The following GPM6B variants were observed in gnomAD, a reference collection of about 807,000 sequenced individuals.
GPM6B encodes glycoprotein M6B.
Under a neutral mutation model 27.2 loss-of-function variants are expected in GPM6B, and 4 were observed. That is an observed-to-expected ratio of 0.15 (90% CI 0.07 to 0.34). The LOEUF is 0.34. Among genes scored for constraint, GPM6B ranks in the 10% least tolerant of loss-of-function variants. The pLI is 1.00. For missense variants in GPM6B, 183 were observed against 261.9 expected (o/e 0.70, Z 2.08); for synonymous variants, 124 against 103.1 (o/e 1.20, Z -1.23).
intron 1 of GPM6B, among the ~76,000 whole-genome samples, chrX:13,835,226 A>C (rs2049482517): frequency 9.0e-6 from 1 of 111,212 alleles, no homozygotes; most frequent in Non-Finnish European, 1.9e-5. Flanking sequence ...TAAATGGCCA[A>C]CAAGAGCCAT....
At chrX:13,853,630 T>C (rs973883302) in intron 1 of GPM6B, among the ~76,000 whole-genome samples, 1 of 98,628 alleles carries the variant, frequency 1.0e-5, no homozygotes, top group African/African-American at 3.7e-5. Context: ...AAGACACACG[T>C]GGAGTCTGGA....
At chrX:13,800,060 T>C (rs2048892451) in intron 2 of GPM6B, among the ~76,000 whole-genome samples, 1 of 112,047 alleles carries the variant, frequency 8.9e-6, no homozygotes, top group African/African-American at 3.2e-5. Context: ...TTTCAAAAAA[T>C]TGACTTCTGT....
intron 1 of GPM6B, among the ~76,000 whole-genome samples, chrX:13,843,245 G>C (rs1217126826): frequency 9.0e-6 from 1 of 111,620 alleles, no homozygotes; most frequent in Non-Finnish European, 1.9e-5. Flanking sequence ...GTTTTCAAGG[G>C]TCATTGATGC....
chrX:13,891,653 G>A (rs2050189936), intron 1 of GPM6B, among the ~76,000 whole-genome samples: 1 of 112,210 alleles, frequency 8.9e-6, no homozygotes, highest in Admixed American at 9.5e-5. Context: ...TTGGTGGCAG[G>A]CTCACCCACC....
intron 1 of GPM6B, among the ~76,000 whole-genome samples, chrX:13,931,713 A>T (rs977510920): frequency 9.0e-6 from 1 of 111,329 alleles, no homozygotes; most frequent in Non-Finnish European, 1.9e-5. Context: ...ATTCATTTAT[A>T]TGTGTCCATT....
chrX:13,830,497 G>A (rs2049425769), intron 1 of GPM6B, among the ~76,000 whole-genome samples: 1 of 112,384 alleles, frequency 8.9e-6, no homozygotes, highest in African/African-American at 3.2e-5. Flanking sequence ...CAAGCCACAG[G>A]GAGGGAGTGT....
intron 1 of GPM6B, among the ~76,000 whole-genome samples, chrX:13,906,127 G>T (rs976025116): frequency 8.9e-6 from 1 of 112,306 alleles, no homozygotes; most frequent in Non-Finnish European, 1.9e-5. Context: ...TTGAGAATCT[G>T]AACAGCTGTT....
chrX:13,916,779 C>T (rs999363902), intron 1 of GPM6B, among the ~76,000 whole-genome samples: 13 of 108,578 alleles, frequency 1.2e-4, no homozygotes, highest in African/African-American at 4.4e-4. Flanking sequence ...AGGAGAGATA[C>T]AAATAGATCG....
intron 1 of GPM6B, 85 bp from the exon 2 acceptor site, chrX:13,807,854 G>A: frequency 1.1e-6 from 1 of 904,861 alleles, no homozygotes; most frequent in South Asian, 3.3e-5. Flanking sequence ...CTTTACCATA[G>A]AAAGGAAATG....
chrX:13,877,482 A>G (rs4830901), intron 1 of GPM6B, among the ~76,000 whole-genome samples: 23,346 of 109,543 alleles, frequency 0.21, 2,202 homozygotes, highest in East Asian at 0.64. Flanking sequence ...CAGAAACTAT[A>G]CATCTGGCCA....
intron 1 of GPM6B, among the ~76,000 whole-genome samples, chrX:13,909,315 G>A (rs1244182830): frequency 9.2e-6 from 1 of 109,127 alleles, no homozygotes; most frequent in Non-Finnish European, 1.9e-5. Context: ...GTAGAGAGAG[G>A]GCTTCACCAT....
intron 1 of GPM6B, among the ~76,000 whole-genome samples, chrX:13,844,412 C>T (rs2049619157): frequency 8.9e-6 from 1 of 112,164 alleles, no homozygotes; most frequent in Non-Finnish European, 1.9e-5. Context: ...CTGACTGATG[C>T]TTGTTAGATG....
chrX:13,777,412 C>A lies in GPM6B; in HGVS notation c.711G>T (p.Trp237Cys). ...CACATATTTTTCCGGGGAAAGCATT[C>A]CAAGGAATGATACCTGTAAAATGAA... ...VDIRQYGIIP[W>C]NAFPGKICGS... The change falls in exon 6 of 8, where the codon TGG becomes TGT. Residue 237 changes from tryptophan (W) to cysteine (C), a missense_variant. Trp to Cys is a radical substitution (Grantham distance 215, BLOSUM62 -2). Transcript: ENST00000316715. 8.4e-7 allele frequency: 1 copy of A among 1,194,464 alleles called. No homozygotes were observed. The highest frequency in any genetic ancestry group is 1.8e-5 in the South Asian group (1 of 56,544).
At chrX:13,909,108 A>G (rs2050354551) in intron 1 of GPM6B, among the ~76,000 whole-genome samples, 2 of 88,059 alleles carry the variant, frequency 2.3e-5, no homozygotes, top group Admixed American at 1.4e-4. Context: ...AATCTGCCCT[A>G]TTGTTCATAT....
chrX:13,779,682 A>G (rs1490493902), intron 5 of GPM6B, 136 bp downstream of exon 5: 11 of 521,771 alleles, frequency 2.1e-5, no homozygotes, highest in Non-Finnish European at 2.9e-5. Flanking sequence ...TGAAGGGAAA[A>G]GTATAAAATT....
At chrX:13,938,113 C>T (rs1009760496) in intron 1 of GPM6B, among the ~76,000 whole-genome samples, 9 of 110,293 alleles carry the variant, frequency 8.2e-5, no homozygotes, top group Admixed American at 5.7e-4. Flanking sequence ...GGAGCTCGGG[C>T]GACAGGGAGA....
At chrX:13,776,406 T>C (rs2048413346) in intron 6 of GPM6B, 103 bp from the exon 7 acceptor site, 1 of 615,108 alleles carries the variant, frequency 1.6e-6, no homozygotes, top group Non-Finnish European at 2.6e-6. Context: ...AGCTCTTCTC[T>C]GCAAGACTGG....
chrX:13,846,790 C>CTTTTTTTTTTTTTTTTTTTTTTT (rs10656571), intron 1 of GPM6B, among the ~76,000 whole-genome samples: 2 of 85,435 alleles, frequency 2.3e-5, no homozygotes, highest in African/African-American at 4.7e-5. Flanking sequence ...ACTGCGCCAG[C>CTTTTTTTTTTTTTTTTTTTTTTT]TTTTTTTTTT....
At chrX:13,926,054 C>CAAAAA (rs772441542) in intron 1 of GPM6B, among the ~76,000 whole-genome samples, 2 of 99,185 alleles carry the variant, frequency 2.0e-5, no homozygotes, top group African/African-American at 7.6e-5. Context: ...GACTCCATCT[C>CAAAAA]AAAAAAAAAA....
Sources: gnomAD v4.1 joint callset for allele counts (sites outside exome capture counted in the v4.1 genomes callset) on GRCh38, gnomAD v4.1.1 for gene constraint, MANE v1.5 for transcripts, NCBI Gene and HGNC (gene_info 2026-07-23, HGNC 2026-07-21) for gene names.